Variants in SLC24A4 observed in about 807,000 individuals in gnomAD.
The protein encoded by SLC24A4 is sodium/potassium/calcium exchanger 4.
SLC24A4 carries 53 observed loss-of-function variants against 79.0 expected under a neutral mutation model. The observed-to-expected ratio is 0.67, with a 90% CI of 0.54 to 0.84. The LOEUF (loss-of-function observed/expected upper bound fraction) is 0.84. SLC24A4 is among the 40% of genes least tolerant of loss of function. SLC24A4 has a pLI of 0.00. For missense variants in SLC24A4, 731 were observed against 822.0 expected, an observed-to-expected ratio of 0.89 and a Z score of 1.35; for synonymous variants, 323 against 323.8, an observed-to-expected ratio of 1.00 and a Z score of 0.03.
intron 3 of SLC24A4, among the ~76,000 whole-genome samples, chr14:92,436,763 G>C (rs1313108111): frequency 6.6e-6 from 1 of 152,150 alleles, no homozygotes; most frequent in Non-Finnish European, 1.5e-5. Flanking sequence ...GTTTCTCAGG[G>C]CTCAGAAGAG....
chr14:92,477,525 T>A (rs924192325), intron 12 of SLC24A4, among the ~76,000 whole-genome samples: 1 of 152,174 alleles, frequency 6.6e-6, no homozygotes, highest in Non-Finnish European at 1.5e-5. Flanking sequence ...GCAATGGCAA[T>A]CATAGCTCAC....
intron 2 of SLC24A4, among the ~76,000 whole-genome samples, chr14:92,347,372 G>T (rs558079282): frequency 5.3e-5 from 8 of 152,198 alleles, no homozygotes; most frequent in Non-Finnish European, 7.3e-5. Context: ...GGGCAGAGTC[G>T]AAGACACTGA....
intron 2 of SLC24A4, among the ~76,000 whole-genome samples, chr14:92,364,362 A>G (rs771534786): frequency 8.5e-5 from 13 of 152,150 alleles, no homozygotes; most frequent in Non-Finnish European, 1.8e-4. Flanking sequence ...GGTGGGAAAG[A>G]CAGGAGGAAG....
chr14:92,444,036 C>A (rs1892650935), intron 7 of SLC24A4, among the ~76,000 whole-genome samples: 1 of 151,926 alleles, frequency 6.6e-6, no homozygotes, highest in South Asian at 2.1e-4. Flanking sequence ...TTGTTGGAAG[C>A]AAGTCACCAG....
chr14:92,495,344 C>A lies in SLC24A4; in HGVS notation c.*1716C>A, dbSNP rs557144102. On this transcript the variant is annotated 3_prime_UTR_variant, in exon 17 of 17. Transcript: ENST00000532405. Reference sequence around the variant, plus strand: ...CCAGGCTTCTATTTGGGATTCACATCAGTATTAGTATCGTAGCTACACCAA... The same window carrying A: ...CCAGGCTTCTATTTGGGATTCACATAAGTATTAGTATCGTAGCTACACCAA... 1.3e-5 allele frequency: 2 copies of A among 152,274 alleles called. No homozygotes were observed. The highest frequency in any genetic ancestry group is 3.9e-4 in the East Asian group (2 of 5,186). The allele number at this position is 152,274 out of a possible 1,614,324, so 9.4% of individuals were successfully genotyped here.
rs1895933716 is a variant in SLC24A4, at chr14:92,496,655, G to A, written c.*3027G>A. The A allele has an allele frequency of 6.6e-6, 1 of 152,126 alleles. No individual in the cohort carries two copies. Among genetic ancestry groups the A allele is most frequent in the African/African-American group, 2.4e-5 (1 of 41,402 alleles). The allele number at this position is 152,126 out of a possible 1,614,324, so 9.4% of individuals were successfully genotyped here. ...GAAGGTTCTGGGTCAGCTGCAATGA[G>A]AGACTGGTGATTAAGGGCACCGTGG... is the stretch of plus-strand genomic sequence containing the variant. On this transcript the variant is annotated 3_prime_UTR_variant, in exon 17 of 17. Transcript: ENST00000532405.
At chr14:92,469,256 C>T (rs1894301127) in intron 12 of SLC24A4, among the ~76,000 whole-genome samples, 1 of 152,044 alleles carries the variant, frequency 6.6e-6, no homozygotes, top group Admixed American at 6.6e-5. Flanking sequence ...CACCTGTAAT[C>T]CCAGCACTTT....
At chr14:92,421,866 A>G (rs924434966) in intron 2 of SLC24A4, among the ~76,000 whole-genome samples, 2 of 152,172 alleles carry the variant, frequency 1.3e-5, no homozygotes, top group Admixed American at 1.3e-4. Context: ...CAAATTGACT[A>G]AAACATTTTT....
At position 92,449,089 on chromosome 14, in the gene SLC24A4, G is replaced by A; in HGVS notation, c.753G>A (p.Met251Ile). The A allele has an allele frequency of 1.2e-6, 2 of 1,614,160 alleles. No individual in the cohort carries two copies. Among genetic ancestry groups the A allele is most frequent in the Non-Finnish European group, 1.7e-6 (2 of 1,180,020 alleles). The change falls in exon 10 of 17, where the codon ATG becomes ATA. Residue 251 changes from methionine to isoleucine, a missense_variant. Transcript: ENST00000532405. ...YILIMKYNVK[M>I]QAFFTVKQKS... ...TCGCTTCCAGGTACAATGTGAAGAT[G>A]CAAGCCTTTTTCACAGTCAAACAAA...
At chr14:92,439,491 T>TGGCG in intron 4 of SLC24A4, 82 bp downstream of exon 4, 1 of 1,295,366 alleles carries the variant, frequency 7.7e-7, no homozygotes, top group Non-Finnish European at 1.1e-6. Flanking sequence ...AGGCCAGGGC[T>TGGCG]GGCGTGGGGA....
At chr14:92,342,530 T>C (rs866877803) in intron 2 of SLC24A4, among the ~76,000 whole-genome samples, 7 of 152,014 alleles carry the variant, frequency 4.6e-5, no homozygotes, top group Non-Finnish European at 8.8e-5. Context: ...ATTACAGGCA[T>C]GCGCCACCAC....
intron 2 of SLC24A4, among the ~76,000 whole-genome samples, chr14:92,421,398 G>C (rs1010647724): frequency 7.2e-5 from 11 of 152,096 alleles, no homozygotes; most frequent in African/African-American, 1.7e-4. Context: ...TACCCCCAGT[G>C]GTTCTGATTT....
At chr14:92,377,281 T>C (rs1888568849) in intron 2 of SLC24A4, among the ~76,000 whole-genome samples, 1 of 152,244 alleles carries the variant, frequency 6.6e-6, no homozygotes, top group South Asian at 2.1e-4. Flanking sequence ...AAGATGTGTT[T>C]TATTTAGATG....
intron 2 of SLC24A4, among the ~76,000 whole-genome samples, chr14:92,421,238 G>C (rs932068668): frequency 6.6e-6 from 1 of 152,172 alleles, no homozygotes; most frequent in East Asian, 1.9e-4. Context: ...GAGTGTGTCA[G>C]ACATTCAGTA....
Position 92,482,603 on chromosome 14 carries a change from G to T in SLC24A4, c.1256-77G>T, listed in dbSNP as rs150327816. 10 of 1,392,096 alleles carry T rather than the reference G, an allele frequency of 7.2e-6. No homozygotes were observed. In the African/African-American group the frequency reaches 1.3e-4, roughly 18 times the overall value. 86.2% of individuals were successfully genotyped at this position (1,392,096 alleles called of 1,614,324 possible). A position where few individuals can be genotyped will look rare whatever the true frequency, so the allele number is the denominator to read the frequency against. ...TCTTATTTAGCTTGAAGACTAAATCGACAGGTAGACTGGCAGGTGTGTTAC... is the reference window on the plus strand; with the variant it reads ...TCTTATTTAGCTTGAAGACTAAATCTACAGGTAGACTGGCAGGTGTGTTAC... On this transcript the variant is annotated intron_variant, in intron 12 of 16. Coordinates refer to ENST00000532405, the MANE Select transcript of SLC24A4 (RefSeq NM_153646.4).
intron 2 of SLC24A4, among the ~76,000 whole-genome samples, chr14:92,350,780 A>G (rs929060167): frequency 3.9e-5 from 6 of 152,194 alleles, no homozygotes; most frequent in Admixed American, 6.5e-5. Flanking sequence ...CTCACTTGCC[A>G]CCTGCAATGG....
chr14:92,468,711 G>T (rs1481142296), intron 12 of SLC24A4, among the ~76,000 whole-genome samples: 8 of 152,166 alleles, frequency 5.3e-5, no homozygotes, highest in Admixed American at 2.0e-4. Context: ...ACATTGAAAA[G>T]AAGTCTGATC....
At chr14:92,333,638 A>G (rs188373380) in intron 2 of SLC24A4, among the ~76,000 whole-genome samples, 7 of 152,312 alleles carry the variant, frequency 4.6e-5, no homozygotes, top group Admixed American at 4.6e-4. Context: ...GGCTGGGAGA[A>G]GCGGGCTGAT....
chr14:92,390,265 C>G (rs536956520), intron 2 of SLC24A4, among the ~76,000 whole-genome samples: 27 of 152,100 alleles, frequency 1.8e-4, no homozygotes, highest in African/African-American at 6.5e-4. Context: ...TTCTGTCCAT[C>G]ACAATGAGGC....
Sources: gnomAD v4.1 joint callset for allele counts (sites outside exome capture counted in the v4.1 genomes callset) on GRCh38, gnomAD v4.1.1 for gene constraint, MANE v1.5 for transcripts, NCBI Gene and HGNC (gene_info 2026-07-23, HGNC 2026-07-21) for gene names.